Variants in BCKDHB observed in about 807,000 individuals in gnomAD.
The protein encoded by BCKDHB is 2-oxoisovalerate dehydrogenase subunit beta, mitochondrial.
BCKDHB carries 41 observed loss-of-function variants against 48.5 expected under a neutral mutation model. The observed-to-expected ratio is 0.85, with a 90% CI of 0.66 to 1.10. BCKDHB has a LOEUF of 1.10. Ranked by LOEUF, BCKDHB falls within the 50% of genes least tolerant of loss-of-function variation. The pLI is 0.00. For missense variants in BCKDHB, 496 were observed against 494.2 expected, an observed-to-expected ratio of 1.00 and a Z score of -0.03; for synonymous variants, 201 against 174.8, an observed-to-expected ratio of 1.15 and a Z score of -1.18.
the BCKDHB span, among the ~76,000 whole-genome samples, chr6:80,466,096 A>G: frequency 6.6e-6 from 1 of 152,336 alleles, no homozygotes; most frequent in East Asian, 1.9e-4. Flanking sequence ...TTGGACCTTC[A>G]GTCCAGTGCT....
At chr6:80,374,691 C>T in the BCKDHB span, 1 of 358,352 alleles carries the variant, frequency 2.8e-6, no homozygotes. Context: ...ATTCACCATG[C>T]TATTTGTCAC....
chr6:80,210,863 T>G (rs886312290), intron 8 of BCKDHB, among the ~76,000 whole-genome samples: 1 of 152,118 alleles, frequency 6.6e-6, no homozygotes, highest in Non-Finnish European at 1.5e-5. Context: ...GTTATGGGCT[T>G]TAATGGACTT....
chr6:80,230,681 C>T (rs564952249), intron 8 of BCKDHB, among the ~76,000 whole-genome samples: 15 of 152,254 alleles, frequency 9.9e-5, no homozygotes, highest in East Asian at 5.8e-4. Context: ...TTATTTCTTA[C>T]GGTTCTGGAG....
the BCKDHB span, among the ~76,000 whole-genome samples, chr6:80,427,026 G>T: frequency 6.6e-6 from 1 of 151,778 alleles, no homozygotes; most frequent in Non-Finnish European, 1.5e-5. Context: ...ATATTTATTA[G>T]ATATGCAAAC....
chr6:80,221,624 T>C (rs1775456614), intron 8 of BCKDHB, among the ~76,000 whole-genome samples: 3 of 152,206 alleles, frequency 2.0e-5, no homozygotes, highest in African/African-American at 7.2e-5. Flanking sequence ...TATATTCTTA[T>C]TTTTTCTCAT....
intron 5 of BCKDHB, chr6:80,169,794 T>C (rs746548958): frequency 3.1e-6 from 5 of 1,599,602 alleles, no homozygotes; most frequent in South Asian, 2.2e-5. Context: ...TTTTTTCTTA[T>C]TTGTTTTTTC....
intron 5 of BCKDHB, chr6:80,169,979 A>T: frequency 7.9e-7 from 1 of 1,268,596 alleles, no homozygotes; most frequent in Non-Finnish European, 1.0e-6. Flanking sequence ...TTTTAAGAAC[A>T]GATCTTTTCT....
intron 8 of BCKDHB, among the ~76,000 whole-genome samples, chr6:80,219,229 C>G (rs955134123): frequency 1.4e-5 from 2 of 147,602 alleles, no homozygotes; most frequent in African/African-American, 5.0e-5. Flanking sequence ...TTTTTGGAGA[C>G]AGGGTCTTGC....
At position 80,233,510 on chromosome 6, in the gene BCKDHB, C is replaced by T. The variant is rs545389118; in HGVS notation, c.951+30298C>T. 4.6e-5 allele frequency among the ~76,000 whole-genome samples: 7 copies of T among 152,286 alleles called. No homozygotes were observed. The South Asian group carries it at 1.4e-3, about 32-fold the overall frequency. On this transcript the variant is annotated intron_variant, in intron 8 of 9. Coordinates refer to ENST00000320393, the MANE Select transcript of BCKDHB (RefSeq NM_183050.4). ...TTATCTGCCTCTAAATTCTTTCTCT[C>T]TGGATCGATAGTTTCCTGCTGGTTT...
chr6:80,279,438 G>A (rs10943700), intron 9 of BCKDHB, among the ~76,000 whole-genome samples: 6,670 of 152,166 alleles, frequency 0.044, 491 homozygotes, highest in African/African-American at 0.15. Context: ...TTACAGGCGT[G>A]AGCCGCCAGA....
chr6:80,288,914 T>C (rs929110760), intron 9 of BCKDHB, among the ~76,000 whole-genome samples: 1 of 152,048 alleles, frequency 6.6e-6, no homozygotes. Context: ...TTGGGAAGCT[T>C]AGGGGCAGGG....
chr6:80,298,521 T>G (rs1430799948), intron 9 of BCKDHB, among the ~76,000 whole-genome samples: 1 of 152,154 alleles, frequency 6.6e-6, no homozygotes, highest in Non-Finnish European at 1.5e-5. Context: ...AAATTCAAGT[T>G]TTGTGGAGGA....
At chr6:80,178,293 T>C (rs1390374834) in intron 6 of BCKDHB, among the ~76,000 whole-genome samples, 6 of 152,222 alleles carry the variant, frequency 3.9e-5, no homozygotes, top group Non-Finnish European at 8.8e-5. Context: ...CATCTCTCCA[T>C]TTAATCTCAT....
chr6:80,406,613 T>C, the BCKDHB span, among the ~76,000 whole-genome samples: 5 of 152,270 alleles, frequency 3.3e-5, no homozygotes, highest in Admixed American at 6.5e-5. Context: ...CCAGTGATGA[T>C]GAGCATTTTT....
At chr6:80,196,364 A>C (rs1774130186) in intron 6 of BCKDHB, among the ~76,000 whole-genome samples, 1 of 152,116 alleles carries the variant, frequency 6.6e-6, no homozygotes, top group African/African-American at 2.4e-5. Context: ...CTCTGTCTCT[A>C]AGACCCACAG....
At chr6:80,332,148 G>A (rs1293681412) in intron 9 of BCKDHB, among the ~76,000 whole-genome samples, 6 of 152,180 alleles carry the variant, frequency 3.9e-5, no homozygotes, top group Admixed American at 3.3e-4. Flanking sequence ...GCTTGATGGC[G>A]CTTATGTGTG....
rs1357752554 is a variant in BCKDHB, at chr6:80,208,704, TAA to T, written c.951+5493_951+5494del. Among the ~76,000 whole-genome samples the T allele has an allele frequency of 4.6e-5, 7 of 151,936 alleles. No individual in the cohort carries two copies. The South Asian group carries it at 6.2e-4, about 14-fold the overall frequency. ...AAGTTGACAATTTTCTGGAAAAATA[TAA>T]GTCATTCAACATTGATACAAGAGGA... On this transcript the variant is annotated intron_variant, in intron 8 of 9. Coordinates refer to ENST00000320393, the MANE Select transcript of BCKDHB (RefSeq NM_183050.4).
chr6:80,246,209 T>C (rs1414186229), intron 8 of BCKDHB, among the ~76,000 whole-genome samples: 1 of 152,210 alleles, frequency 6.6e-6, no homozygotes, highest in Non-Finnish European at 1.5e-5. Context: ...TGTTAAGCAA[T>C]AAAGAGAAAA....
chr6:80,215,074 TA>T (rs983887469), intron 8 of BCKDHB, among the ~76,000 whole-genome samples: 3 of 151,478 alleles, frequency 2.0e-5, no homozygotes, highest in South Asian at 2.1e-4. Flanking sequence ...GCCTCTAATA[TA>T]AAAAAAAACT....
Sources: allele counts gnomAD v4.1 joint callset (sites outside exome capture counted in the v4.1 genomes callset), GRCh38; gene constraint gnomAD v4.1.1; transcripts MANE v1.5; gene names NCBI Gene and HGNC (gene_info 2026-07-23, HGNC 2026-07-21).